Variants in SOX30 observed in about 807,000 individuals in gnomAD.
SOX30 encodes transcription factor SOX-30.
SOX30 carries 17 observed loss-of-function variants against 58.6 expected under a neutral mutation model. That is an observed-to-expected ratio of 0.29 (90% CI 0.20 to 0.44). SOX30 has a LOEUF of 0.44. Among genes scored for constraint, SOX30 ranks in the 20% least tolerant of loss-of-function variants. SOX30 has a pLI of 1.00. For missense variants in SOX30, 951 were observed against 965.8 expected (o/e 0.98, Z 0.20); for synonymous variants, 421 against 400.2 (o/e 1.05, Z -0.62).
At chr5:157,670,919 C>T (rs907340535) in intron 1 of SOX30, among the ~76,000 whole-genome samples, 1 of 152,118 alleles carries the variant, frequency 6.6e-6, no homozygotes, top group African/African-American at 2.4e-5. Flanking sequence ...AGGTTATAAA[C>T]GTGGAACAAA....
At chr5:157,629,658 A>C (rs1048601042) in intron 4 of SOX30, among the ~76,000 whole-genome samples, 8 of 152,182 alleles carry the variant, frequency 5.3e-5, no homozygotes. Flanking sequence ...ATATGTAAGC[A>C]TTTACTATTT....
chr5:157,657,209 G>A (rs1217365682), upstream of SOX30, among the ~76,000 whole-genome samples: 2 of 151,908 alleles, frequency 1.3e-5, no homozygotes, highest in Admixed American at 1.3e-4. Context: ...ATGTATTATT[G>A]GTATATATTG....
At position 157,638,851 on chromosome 5, in the gene SOX30, T is replaced by C. The variant is rs955700603; in HGVS notation, c.1388-129A>G. Reference sequence around the variant, plus strand: ...ATCACCTTACCTAACTGCATCATCATATCAAACCACTCTATTTCATTTGCA... The same window carrying C: ...ATCACCTTACCTAACTGCATCATCACATCAAACCACTCTATTTCATTTGCA... On this transcript the variant is annotated intron_variant, in intron 3 of 4. Coordinates refer to ENST00000265007, the MANE Select transcript of SOX30 (RefSeq NM_178424.2). 5 of 802,416 alleles carry C rather than the reference T, an allele frequency of 6.2e-6. No homozygotes were observed. The African/African-American group carries it at 8.7e-5, about 14-fold the overall frequency. 49.7% of individuals were successfully genotyped at this position (802,416 alleles called of 1,614,324 possible).
At chr5:157,663,783 A>G (rs560447482) in intron 2 of SOX30, among the ~76,000 whole-genome samples, 27 of 152,334 alleles carry the variant, frequency 1.8e-4, no homozygotes, top group African/African-American at 5.8e-4. Context: ...ATGTTGAGAA[A>G]TCACGAGCAT....
rs1371388540 is a variant in SOX30 at position 157,638,690 on chromosome 5, G to T, written c.1420C>A (p.Pro474Thr). ...ETSPAIQLPTPAVQSPSPVTL... is the reference protein window; with the variant it reads ...ETSPAIQLPTTAVQSPSPVTL... ...ACAGGGCTTGGGCTCTGGACTGCAG[G>T]TGTGGGCAGCTGGATAGCAGGTGAG... Residue 474 changes from proline to threonine, a missense_variant, in exon 4 of 5, where the codon CCT (proline) becomes ACT (threonine). By Grantham distance (38) the Pro-to-Thr change is conservative. Around this residue, in one of 7 missense-constraint regions of SOX30, gnomAD observed 381 missense variants for 390.0 expected, o/e 0.98. Coordinates refer to ENST00000265007, the MANE Select transcript of SOX30 (RefSeq NM_178424.2). 6.2e-7 allele frequency: 1 copy of T among 1,613,132 alleles called. No individual in the cohort carries two copies. Among genetic ancestry groups the T allele is most frequent in the South Asian group, 1.1e-5 (1 of 91,008 alleles).
intron 2 of SOX30, among the ~76,000 whole-genome samples, chr5:157,662,103 T>G (rs75175130): frequency 6.6e-6 from 1 of 152,232 alleles, no homozygotes; most frequent in Admixed American, 6.5e-5. Flanking sequence ...TTAATGAATT[T>G]GCCCATTTCA....
At chr5:157,659,249 C>T (rs1004240664) in intron 2 of SOX30, among the ~76,000 whole-genome samples, 2 of 152,184 alleles carry the variant, frequency 1.3e-5, no homozygotes, top group Non-Finnish European at 2.9e-5. Flanking sequence ...ATCCAAGAAC[C>T]TTCTCTTGGG....
intron 4 of SOX30, among the ~76,000 whole-genome samples, chr5:157,628,766 C>A (rs766438494): frequency 2.0e-5 from 3 of 151,924 alleles, no homozygotes; most frequent in Admixed American, 1.3e-4. Flanking sequence ...CTCAGCCTAC[C>A]GAGTAGCTAG....
chr5:157,637,760 C>A (rs1440564712), intron 4 of SOX30, among the ~76,000 whole-genome samples: 2 of 151,534 alleles, frequency 1.3e-5, no homozygotes, highest in Non-Finnish European at 2.9e-5. Context: ...TTGGTGTGAT[C>A]TCAGCTCACT....
chr5:157,656,464 T>C (rs1425849958), upstream of SOX30, among the ~76,000 whole-genome samples: 2 of 152,198 alleles, frequency 1.3e-5, no homozygotes, highest in African/African-American at 4.8e-5. Flanking sequence ...ACTTTGACCA[T>C]ATTAGAGTCT....
chr5:157,649,584 G>GT (rs1759277919), intron 1 of SOX30, among the ~76,000 whole-genome samples: 1 of 152,096 alleles, frequency 6.6e-6, no homozygotes, highest in Non-Finnish European at 1.5e-5. Flanking sequence ...GAGGTCAGGA[G>GT]TTTGAGACCA....
At position 157,651,268 on chromosome 5, in the gene SOX30, C is replaced by A. The variant is rs1344859282; in HGVS notation, c.811G>T (p.Ala271Ser). ...PLTLHTVPPG[A>S]RIQFQGAPPS... ...GGAGCTCCCTGAAACTGGATCCGGGCCCCAGGGGGGACCGTGTGGAGCGTC... is the reference window on the plus strand; with the variant it reads ...GGAGCTCCCTGAAACTGGATCCGGGACCCAGGGGGGACCGTGTGGAGCGTC... Residue 271 changes from alanine (A) to serine (S), a missense_variant, in exon 1 of 5, where the codon GCC becomes TCC. By Grantham distance (99) the Ala-to-Ser change is moderately conservative. Transcript: ENST00000265007. 1.9e-6 allele frequency: 3 copies of A among 1,614,138 alleles called. No homozygotes were observed. The highest frequency in any genetic ancestry group is 2.5e-6 in the Non-Finnish European group (3 of 1,180,026).
chr5:157,645,448 G>A (rs1759165379), intron 3 of SOX30, among the ~76,000 whole-genome samples: 1 of 152,084 alleles, frequency 6.6e-6, no homozygotes, highest in Non-Finnish European at 1.5e-5. Context: ...TGGATCATTT[G>A]AGCCCAGGAT....
At chr5:157,644,213 T>C (rs1759136529) in intron 3 of SOX30, among the ~76,000 whole-genome samples, 1 of 152,148 alleles carries the variant, frequency 6.6e-6, no homozygotes. Flanking sequence ...CAGGCTAGTC[T>C]CGAACTCCTA....
chr5:157,647,159 TC>T (rs1759213914), intron 2 of SOX30, among the ~76,000 whole-genome samples: 1 of 151,792 alleles, frequency 6.6e-6, no homozygotes, highest in Non-Finnish European at 1.5e-5. Context: ...CCTCCCAGGT[TC>T]ATGTGATTCT....
intron 1 of SOX30, among the ~76,000 whole-genome samples, chr5:157,649,148 T>A (rs1043376665): frequency 6.6e-6 from 1 of 152,114 alleles, no homozygotes; most frequent in African/African-American, 2.4e-5. Flanking sequence ...ACTGTGGCAA[T>A]AATCATGTTG....
chr5:157,633,733 T>C (rs557450526), intron 4 of SOX30, among the ~76,000 whole-genome samples: 14 of 152,240 alleles, frequency 9.2e-5, no homozygotes, highest in Non-Finnish European at 1.5e-4. Flanking sequence ...ATTTTACAAT[T>C]TAGATGCTAT....
At chr5:157,645,648 T>A (rs1342575272) in intron 3 of SOX30, among the ~76,000 whole-genome samples, 4 of 144,420 alleles carry the variant, frequency 2.8e-5, no homozygotes, top group Non-Finnish European at 6.0e-5. Context: ...GGCAACAGAG[T>A]GAGACCCTGT....
chr5:157,641,287 A>T (rs1214896793), intron 3 of SOX30, among the ~76,000 whole-genome samples: 1 of 152,158 alleles, frequency 6.6e-6, no homozygotes, highest in Non-Finnish European at 1.5e-5. Context: ...AATGTGAGTG[A>T]CAGAGTAAAT....
Sources: allele counts gnomAD v4.1 joint callset (sites outside exome capture counted in the v4.1 genomes callset), GRCh38; gene constraint gnomAD v4.1.1; regional missense constraint gnomAD v4.1.1; transcripts MANE v1.5; gene names NCBI Gene and HGNC (gene_info 2026-07-23, HGNC 2026-07-21).